Variants in USP38 observed in about 807,000 individuals in gnomAD.
The protein encoded by USP38 is ubiquitin specific peptidase 38.
A neutral mutation model predicts 94.3 loss-of-function variants in USP38; 49 were observed. The observed-to-expected ratio is 0.52, with a 90% CI of 0.41 to 0.66. The LOEUF is 0.66. Among genes scored for constraint, USP38 ranks in the 30% least tolerant of loss-of-function variants. The pLI, the probability that USP38 is intolerant of heterozygous loss-of-function variation, is 0.00. For synonymous variants in USP38, 468 were observed against 463.6 expected, an observed-to-expected ratio of 1.01 and a Z score of -0.12; for missense variants, 1,128 against 1,229.4, an observed-to-expected ratio of 0.92 and a Z score of 1.23.
At chr4:143,207,839 G>A (rs1387631914) in intron 6 of USP38, among the ~76,000 whole-genome samples, 2 of 152,034 alleles carry the variant, frequency 1.3e-5, no homozygotes, top group Non-Finnish European at 2.9e-5. Context: ...CAAATAAAAG[G>A]TTATCTCTTA....
Position 143,185,459 on chromosome 4 carries a change from G to A in USP38, c.9G>A (p.Lys3=). The A allele has an allele frequency of 3.2e-6, 5 of 1,586,608 alleles. No homozygotes were observed. Among genetic ancestry groups the A allele is most frequent in the Non-Finnish European group, 4.3e-6 (5 of 1,164,462 alleles). ...CTTGCAGCGTGGCGACAATGGACAA[G>A]ATCCTGGAGGGCCTTGTGAGTTCCT... MD[K]ILEGLVSSSH... is the part of the protein sequence containing the mutation. Residue 3 remains lysine, a synonymous_variant, in exon 1 of 10, where the codon AAG becomes AAA. Coordinates refer to ENST00000307017, the MANE Select transcript of USP38 (RefSeq NM_032557.6).
At chr4:143,205,349 T>C (rs71610422) in intron 5 of USP38, among the ~76,000 whole-genome samples, 8,043 of 152,278 alleles carry the variant, frequency 0.053, 288 homozygotes, top group Non-Finnish European at 0.078. Flanking sequence ...CCTAATGATT[T>C]TACCAACTTC....
chr4:143,188,059 C>T (rs1731280291), intron 2 of USP38, 98 bp downstream of exon 2: 2 of 1,372,932 alleles, frequency 1.5e-6, no homozygotes, highest in Non-Finnish European at 2.0e-6. Flanking sequence ...ATGTTTAAAA[C>T]TAAAATCATG....
At chr4:143,220,096 A>C (rs922436289) in intron 9 of USP38, among the ~76,000 whole-genome samples, 199 bp from the exon 10 acceptor site, 1 of 152,114 alleles carries the variant, frequency 6.6e-6, no homozygotes, top group Non-Finnish European at 1.5e-5. Context: ...AATCTATTCC[A>C]GTATGTTTTA....
In USP38 at chr4:143,186,157, A is replaced by G. The variant is rs202210389; in HGVS notation, c.682+25A>G. On this transcript the variant is annotated intron_variant, in intron 1 of 9. Coordinates refer to ENST00000307017, the MANE Select transcript of USP38 (RefSeq NM_032557.6). Reference sequence around the variant, plus strand: ...GGTAAGGGTCATTATCTTTCAGAATATCTCATAAAAAATCAGTATATGTCT... The same window carrying G: ...GGTAAGGGTCATTATCTTTCAGAATGTCTCATAAAAAATCAGTATATGTCT... 6 of 1,602,526 alleles carry G rather than the reference A, an allele frequency of 3.7e-6. No individual in the cohort carries two copies. In the East Asian group the frequency reaches 1.1e-4, roughly 30 times the overall value.
In USP38 at chr4:143,193,483, A is replaced by G. The variant is rs953233481; in HGVS notation, c.819-2233A>G. On this transcript the variant is annotated intron_variant, in intron 2 of 9. Coordinates refer to ENST00000307017, the MANE Select transcript of USP38 (RefSeq NM_032557.6). Reference sequence around the variant, plus strand: ...ACTCTGTATAAGTAGAATGGCCACAAAATTTTATGAGAATCACCCCAACAA... The same window carrying G: ...ACTCTGTATAAGTAGAATGGCCACAGAATTTTATGAGAATCACCCCAACAA... Among the ~76,000 whole-genome samples the G allele has an allele frequency of 3.3e-5, 5 of 152,222 alleles. No individual in the cohort carries two copies. The East Asian group carries it at 9.6e-4, about 29-fold the overall frequency.
chr4:143,208,340 C>T (rs1049439806), intron 6 of USP38, among the ~76,000 whole-genome samples: 1 of 152,096 alleles, frequency 6.6e-6, no homozygotes, highest in African/African-American at 2.4e-5. Flanking sequence ...TAATTAACAT[C>T]TCTCTGCCCT....
chr4:143,212,683 G>C (rs187363646), intron 8 of USP38, among the ~76,000 whole-genome samples: 14 of 152,070 alleles, frequency 9.2e-5, no homozygotes, highest in Non-Finnish European at 1.5e-4. Context: ...GAGTCTGTGA[G>C]GTCTTCTCTT....
Position 143,214,207 on chromosome 4 carries a change from C to T in USP38, c.2231C>T (p.Ser744Phe). 2 of 1,613,650 alleles carry T rather than the reference C, an allele frequency of 1.2e-6. No homozygotes were observed. Among genetic ancestry groups the T allele is most frequent in the Non-Finnish European group, 1.7e-6 (2 of 1,179,820 alleles). The change falls in exon 9 of 10, where the codon TCT becomes TTT. Residue 744 changes from serine (S) to phenylalanine (F), a missense_variant. Ser to Phe is a radical substitution (Grantham distance 155, BLOSUM62 -2). Coordinates refer to ENST00000307017, the MANE Select transcript of USP38 (RefSeq NM_032557.6). ...DNQYYCENCA[S>F]LQNAEKTMQI... is the part of the protein sequence containing the mutation. ...CAATATTATTGTGAAAACTGTGCCT[C>T]TCTGCAAAATGCTGAGAAAACTATG...
chr4:143,185,614 C>T lies in USP38; in HGVS notation c.164C>T (p.Pro55Leu). The change falls in exon 1 of 10, where the codon CCT becomes CTT. Residue 55 changes from proline (P) to leucine (L), a missense_variant. Transcript: ENST00000307017. ...TTRLILEGQD[P>L]FQRQVGHQVL... ...CGGCTCATCCTGGAGGGCCAGGACC[C>T]TTTCCAGCGGCAGGTGGGGCACCAG... 1 of 1,614,196 alleles carries T rather than the reference C, an allele frequency of 6.2e-7. No individual in the cohort carries two copies. Among genetic ancestry groups the T allele is most frequent in the Non-Finnish European group, 8.5e-7 (1 of 1,180,032 alleles).
Position 143,220,782 on chromosome 4 carries a change from G to A in USP38, c.*326G>A, listed in dbSNP as rs1002850225. ...TAAATGGTCTATCTTCAGTTTTACT[G>A]AACAAAAAATGTAATTTATTTAGCA... On this transcript the variant is annotated 3_prime_UTR_variant, in exon 10 of 10. Transcript: ENST00000307017. 2 of 173,232 alleles carry A rather than the reference G, an allele frequency of 1.2e-5. No homozygotes were observed. The highest frequency in any genetic ancestry group is 2.4e-5 in the Non-Finnish European group (2 of 82,236). The allele number at this position is 173,232 out of a possible 1,614,324, so 10.7% of individuals were successfully genotyped here.
In USP38 at chr4:143,206,113, G is replaced by A. The variant is rs202006971; in HGVS notation, c.1290G>A (p.Ala430=). 354 of 1,613,508 alleles carry A rather than the reference G, an allele frequency of 2.2e-4. No individual in the cohort carries two copies. Among genetic ancestry groups the A allele is most frequent in the Admixed American group, 3.8e-4 (23 of 59,928 alleles). ...GGACTTCTCAATCCAATTCTTTGGC[G>A]TCTTGCTTGTCTAGACTTTCTGGAA... The part of the protein sequence containing the change: ...SAWTSQSNSL[A]SCLSRLSGKS... The change falls in exon 6 of 10, where the codon GCG becomes GCA. Residue 430 remains alanine (A), a synonymous_variant. Transcript: ENST00000307017.
At chr4:143,205,977 A>C in intron 5 of USP38, 56 bp from the exon 6 acceptor site, 1 of 1,311,792 alleles carries the variant, frequency 7.6e-7, no homozygotes, top group East Asian at 2.5e-5. Flanking sequence ...TTAATTTAAC[A>C]ACAAAAATAA....
intron 3 of USP38, among the ~76,000 whole-genome samples, chr4:143,197,155 C>T (rs907929799): frequency 3.9e-5 from 6 of 152,222 alleles, no homozygotes; most frequent in African/African-American, 1.4e-4. Context: ...ATCTGTAGCA[C>T]ACCAGCCTGA....
chr4:143,185,489 T>A lies in USP38; in HGVS notation c.39T>A (p.His13Gln), dbSNP rs751570872. Reference protein sequence around the residue: ...KILEGLVSSSHPLPLKRVIVR... With the variant: ...KILEGLVSSSQPLPLKRVIVR... The stretch of plus-strand genomic sequence containing the variant: ...TGGAGGGCCTTGTGAGTTCCTCGCA[T>A]CCCCTGCCCCTCAAGCGGGTGATTG... The change falls in exon 1 of 10, where the codon CAT (histidine) becomes CAA (glutamine). Residue 13 changes from histidine (H) to glutamine (Q), a missense_variant. His to Gln is a conservative substitution (Grantham distance 24). Transcript: ENST00000307017. The A allele has an allele frequency of 3.7e-6, 6 of 1,605,640 alleles. No homozygotes were observed. The South Asian group carries it at 5.6e-5, about 15-fold the overall frequency.
intron 8 of USP38, 54 bp from the exon 9 acceptor site, chr4:143,213,527 A>G (rs1390893093): frequency 1.4e-6 from 2 of 1,460,968 alleles, no homozygotes; most frequent in Non-Finnish European, 1.8e-6. Flanking sequence ...TTTTAAATAG[A>G]AATGACATTT....
Position 143,220,294 on chromosome 4 carries a change from G to A in USP38, c.2968-1G>A. Reference sequence around the variant, plus strand: ...TTCATAAAAGTTATTTTTAATTTTAGGAACAAGAGTTGAATGCTCGAGCCC... The same window carrying A: ...TTCATAAAAGTTATTTTTAATTTTAAGAACAAGAGTTGAATGCTCGAGCCC... On this transcript the variant is annotated splice_acceptor_variant, in intron 9 of 9. Coordinates refer to ENST00000307017, the MANE Select transcript of USP38 (RefSeq NM_032557.6). LOFTEE classifies it high-confidence loss of function. 3 of 1,600,254 alleles carry A rather than the reference G, an allele frequency of 1.9e-6. No individual in the cohort carries two copies. The highest frequency in any genetic ancestry group is 2.6e-6 in the Non-Finnish European group (3 of 1,175,012).
chr4:143,220,078 TAGAAA>T (rs1215996331), intron 9 of USP38, among the ~76,000 whole-genome samples: 1 of 152,146 alleles, frequency 6.6e-6, no homozygotes, highest in Non-Finnish European at 1.5e-5. Flanking sequence ...TTAAATATAT[TAGAAA>T]AGAATCTATT....
Position 143,217,083 on chromosome 4 carries a change from A to G in USP38, c.2967+2140A>G, listed in dbSNP as rs13134675. ...CACCTTGGCCTCCCAAAGTGCTAGGATTACAGGCATGAGCCACTGTGCCCA... is the reference window on the plus strand; with the variant it reads ...CACCTTGGCCTCCCAAAGTGCTAGGGTTACAGGCATGAGCCACTGTGCCCA... On this transcript the variant is annotated intron_variant, in intron 9 of 9. Transcript: ENST00000307017. Among the ~76,000 whole-genome samples, 1,515 of 152,338 alleles carry G rather than the reference A, an allele frequency of 9.9e-3. 10 individuals carry two copies. The highest frequency in any genetic ancestry group is 0.016 in the Non-Finnish European group (1,119 of 68,022).
Sources: allele counts gnomAD v4.1 joint callset (sites outside exome capture counted in the v4.1 genomes callset), GRCh38; gene constraint gnomAD v4.1.1; transcripts MANE v1.5; gene names NCBI Gene and HGNC (gene_info 2026-07-23, HGNC 2026-07-21).